EXT1: variants seen among roughly 807,000 people sequenced by gnomAD.
The protein encoded by EXT1 is exostosin glycosyltransferase 1.
A neutral mutation model predicts 82.5 loss-of-function variants in EXT1; 20 were observed. The ratio of observed to expected loss-of-function variants is 0.24; its 90% CI spans 0.17 to 0.35. EXT1 has a LOEUF of 0.35. Among genes scored for constraint, EXT1 ranks in the 10% least tolerant of loss-of-function variants. The probability of loss-of-function intolerance (pLI) is 1.00; values close to 1 mark genes in which losing one functional copy is unlikely to be tolerated. For synonymous variants in EXT1, 348 were observed against 350.8 expected (o/e 0.99, Z 0.09); for missense variants, 757 against 936.5 (o/e 0.81, Z 2.50).
At chr8:118,032,970 A>G (rs1816354804) in intron 1 of EXT1, among the ~76,000 whole-genome samples, 1 of 152,194 alleles carries the variant, frequency 6.6e-6, no homozygotes, top group Non-Finnish European at 1.5e-5. Flanking sequence ...AAAATGCAGC[A>G]CAATTTCAGT....
At chr8:117,883,116 C>T (rs535552513) in intron 1 of EXT1, among the ~76,000 whole-genome samples, 5 of 152,024 alleles carry the variant, frequency 3.3e-5, no homozygotes, top group East Asian at 1.9e-4. Context: ...AAATTATGTT[C>T]GAATACTAAT....
rs552415674 is a variant in EXT1 at position 118,037,480 on chromosome 8, G to A, written c.962+72605C>T. Among the ~76,000 whole-genome samples the A allele has an allele frequency of 1.2e-3, 185 of 151,472 alleles. 1 individual carries two copies. The highest frequency in any genetic ancestry group is 3.4e-3 in the Middle Eastern group (1 of 292). Reference sequence around the variant, plus strand: ...GCAGCCTTGGTCTCCCAAAGTTCTGGGATTACAGGTTTGAGCCACCACACC... The same window carrying A: ...GCAGCCTTGGTCTCCCAAAGTTCTGAGATTACAGGTTTGAGCCACCACACC... On this transcript the variant is annotated intron_variant, in intron 1 of 10. Coordinates refer to ENST00000378204, the MANE Select transcript of EXT1 (RefSeq NM_000127.3).
chr8:118,002,930 C>A (rs1815702618), intron 1 of EXT1, among the ~76,000 whole-genome samples: 2 of 152,146 alleles, frequency 1.3e-5, no homozygotes, highest in Admixed American at 6.5e-5. Context: ...TATTTGCACA[C>A]ACATTTATAG....
intron 1 of EXT1, among the ~76,000 whole-genome samples, chr8:117,871,991 A>C (rs1812881401): frequency 6.6e-6 from 1 of 151,906 alleles, no homozygotes; most frequent in Non-Finnish European, 1.5e-5. Context: ...AATTAGCTGC[A>C]TGGGGTGGCG....
At chr8:118,019,061 C>T (rs866455487) in intron 1 of EXT1, among the ~76,000 whole-genome samples, 5 of 150,450 alleles carry the variant, frequency 3.3e-5, no homozygotes, top group African/African-American at 1.2e-4. Flanking sequence ...GATCAGTGTG[C>T]TTTTGGTAGC....
Position 118,004,303 on chromosome 8 carries a change from T to C in EXT1, c.962+105782A>G, listed in dbSNP as rs1458090871. 3.3e-5 allele frequency among the ~76,000 whole-genome samples: 5 copies of C among 152,346 alleles called. No homozygotes were observed. In the East Asian group the frequency reaches 5.8e-4, roughly 18 times the overall value. On this transcript the variant is annotated intron_variant, in intron 1 of 10. Transcript: ENST00000378204. ...GTGCATGTGCACGTATGTGTGCAAA[T>C]TGTGTATGCACGTGCATGTGGGTAT...
chr8:117,835,669 G>T, intron 2 of EXT1, 118 bp from the exon 3 acceptor site: 1 of 769,154 alleles, frequency 1.3e-6, no homozygotes, highest in South Asian at 1.4e-5. Context: ...ATGAATCCTG[G>T]ACTGCCTAGG....
intron 1 of EXT1, among the ~76,000 whole-genome samples, chr8:118,092,220 C>G (rs1817536647): frequency 6.6e-6 from 1 of 152,122 alleles, no homozygotes. Context: ...ATTTTTTTGT[C>G]TGTCACCCTA....
At chr8:117,838,626 G>C (rs967186318) in intron 1 of EXT1, among the ~76,000 whole-genome samples, 28 of 152,132 alleles carry the variant, frequency 1.8e-4, no homozygotes, top group African/African-American at 6.5e-4. Flanking sequence ...AAGAAGGCTT[G>C]AATTTAGTTA....
chr8:118,068,583 AG>A lies in EXT1; in HGVS notation c.962+41501del, dbSNP rs761428825. 6.6e-5 allele frequency among the ~76,000 whole-genome samples: 10 copies of A among 152,138 alleles called. No individual in the cohort carries two copies. In the East Asian group the frequency reaches 1.2e-3, roughly 18 times the overall value. On this transcript the variant is annotated intron_variant, in intron 1 of 10. Transcript: ENST00000378204. ...ACTTGTAAGTGAGAACATGCACAGC[AG>A]TTTTTTTTAATCCCCATGTTAAATA... is the stretch of plus-strand genomic sequence containing the variant.
At chr8:117,857,539 CAA>C (rs60946277) in intron 1 of EXT1, among the ~76,000 whole-genome samples, 170 of 143,002 alleles carry the variant, frequency 1.2e-3, no homozygotes, top group Admixed American at 1.2e-3. Flanking sequence ...TTCCCCCCGC[CAA>C]AAAAAAAAAA....
chr8:117,898,791 T>C (rs1411256607), intron 1 of EXT1, among the ~76,000 whole-genome samples: 2 of 151,940 alleles, frequency 1.3e-5, no homozygotes, highest in South Asian at 2.1e-4. Flanking sequence ...TGGTAGATGG[T>C]TTCCACATTA....
At chr8:117,972,504 A>G (rs1814963779) in intron 1 of EXT1, among the ~76,000 whole-genome samples, 1 of 152,224 alleles carries the variant, frequency 6.6e-6, no homozygotes, top group South Asian at 2.1e-4. Flanking sequence ...CAACTTCATT[A>G]TCCTCTAAGT....
intron 1 of EXT1, among the ~76,000 whole-genome samples, chr8:117,943,846 T>C (rs1433263042): frequency 2.0e-5 from 3 of 152,216 alleles, no homozygotes; most frequent in African/African-American, 7.2e-5. Context: ...TTAGGCCTCA[T>C]TCTTCTAGTG....
chr8:118,068,944 A>G (rs1034830028), intron 1 of EXT1, among the ~76,000 whole-genome samples: 8 of 152,122 alleles, frequency 5.3e-5, no homozygotes, highest in African/African-American at 1.9e-4. Context: ...AGCTTCCACT[A>G]TTGCCCTTTT....
intron 1 of EXT1, among the ~76,000 whole-genome samples, chr8:118,069,033 A>G (rs1817040079): frequency 6.6e-6 from 1 of 152,156 alleles, no homozygotes; most frequent in Non-Finnish European, 1.5e-5. Context: ...CTTCTAGCAT[A>G]GTATCTGGTT....
intron 1 of EXT1, among the ~76,000 whole-genome samples, chr8:117,913,031 C>T (rs1244063560): frequency 6.6e-6 from 1 of 152,092 alleles, no homozygotes; most frequent in Non-Finnish European, 1.5e-5. Context: ...CGAGACCAGC[C>T]TGGACAACAT....
chr8:118,108,749 T>C (rs1436074898), intron 1 of EXT1, among the ~76,000 whole-genome samples: 3 of 152,204 alleles, frequency 2.0e-5, no homozygotes, highest in African/African-American at 7.2e-5. Flanking sequence ...ATAGAGGCCC[T>C]AGTGTCTGAA....
intron 1 of EXT1, among the ~76,000 whole-genome samples, chr8:117,957,494 C>A (rs1034525881): frequency 3.3e-5 from 5 of 152,166 alleles, no homozygotes; most frequent in Non-Finnish European, 7.3e-5. Flanking sequence ...GGAGCCCCAA[C>A]GGGAGACAGA....
Sources: allele counts gnomAD v4.1 joint callset (sites outside exome capture counted in the v4.1 genomes callset), GRCh38; gene constraint gnomAD v4.1.1; transcripts MANE v1.5; gene names NCBI Gene and HGNC (gene_info 2026-07-23, HGNC 2026-07-21).